The following THRAP3 variants were observed in gnomAD, a reference collection of about 807,000 sequenced individuals.
THRAP3 encodes the protein thyroid hormone receptor-associated protein 3.
Under a neutral mutation model 101.0 loss-of-function variants are expected in THRAP3, and 16 were observed. That is an observed-to-expected ratio of 0.16 (90% confidence interval 0.11 to 0.24). The LOEUF is 0.24. Among genes scored for constraint, THRAP3 ranks in the 10% least tolerant of loss-of-function variants. The probability of loss-of-function intolerance (pLI) is 1.00; values close to 1 mark genes in which losing one functional copy is unlikely to be tolerated. For missense variants in THRAP3, 989 were observed against 1,202.7 expected, an observed-to-expected ratio of 0.82 and a Z score of 2.63; for synonymous variants, 407 against 422.6, an observed-to-expected ratio of 0.96 and a Z score of 0.45.
upstream of THRAP3, among the ~76,000 whole-genome samples, chr1:36,222,627 C>T (rs528034924): frequency 2.0e-4 from 30 of 151,910 alleles, no homozygotes; most frequent in African/African-American, 6.5e-4. Context: ...GGGCTGATCA[C>T]GAACTCCTGA....
chr1:36,252,959 T>C (rs1645325564), intron 1 of THRAP3, among the ~76,000 whole-genome samples: 1 of 130,348 alleles, frequency 7.7e-6, no homozygotes, highest in Admixed American at 7.7e-5. Context: ...TATATATATA[T>C]ATATATATAT....
chr1:36,253,380 C>G (rs182573754), intron 1 of THRAP3, among the ~76,000 whole-genome samples: 230 of 152,216 alleles, frequency 1.5e-3, no homozygotes, highest in African/African-American at 5.5e-3. Context: ...TTTACACATG[C>G]ATTAAGGTTG....
chr1:36,260,784 T>C (rs951729499), intron 2 of THRAP3, among the ~76,000 whole-genome samples: 3 of 144,290 alleles, frequency 2.1e-5, no homozygotes, highest in African/African-American at 7.8e-5. Context: ...ATCGCACCAC[T>C]GCACTCTAGC....
In THRAP3 at chr1:36,305,252, G is replaced by A. The variant is rs1247684998; in HGVS notation, c.*1235G>A. On this transcript the variant is annotated 3_prime_UTR_variant, in exon 12 of 12. Coordinates refer to ENST00000354618, the MANE Select transcript of THRAP3 (RefSeq NM_005119.4). ...TACTTTGCTACATTTCTATAGTTAA[G>A]TTGGTTTTACTTGAATGATTCATGT... is the stretch of plus-strand genomic sequence containing the variant. 1 of 210,230 alleles carries A rather than the reference G, an allele frequency of 4.8e-6. No individual in the cohort carries two copies. Among genetic ancestry groups the A allele is most frequent in the Admixed American group, 5.9e-5 (1 of 16,988 alleles). The allele number at this position is 210,230 out of a possible 1,614,324, so 13.0% of individuals were successfully genotyped here. A position where few individuals can be genotyped will look rare whatever the true frequency, so the allele number is the denominator to read the frequency against.
chr1:36,282,240 T>A (rs999718421), intron 2 of THRAP3, among the ~76,000 whole-genome samples: 1 of 125,500 alleles, frequency 8.0e-6, no homozygotes, highest in Non-Finnish European at 1.9e-5. Flanking sequence ...TCTCTCTTTT[T>A]TTTTTTTTTG....
chr1:36,252,779 A>G (rs943021351), intron 1 of THRAP3, among the ~76,000 whole-genome samples: 1 of 151,500 alleles, frequency 6.6e-6, no homozygotes, highest in African/African-American at 2.4e-5. Flanking sequence ...TTGTGGCGCA[A>G]GCTTGTAATC....
the THRAP3 span, among the ~76,000 whole-genome samples, chr1:36,212,461 G>C: frequency 7.2e-6 from 1 of 139,822 alleles, no homozygotes; most frequent in Non-Finnish European, 1.5e-5. Context: ...TGCTCTTTCG[G>C]CCAGGCTGAA....
In THRAP3 at chr1:36,292,605, C is replaced by G. The variant is rs1645890661; in HGVS notation, c.1926C>G (p.His642Gln). The G allele has an allele frequency of 1.2e-6, 2 of 1,612,878 alleles. No individual in the cohort carries two copies. Among genetic ancestry groups the G allele is most frequent in the Non-Finnish European group, 1.7e-6 (2 of 1,179,310 alleles). Residue 642 changes from histidine (H) to glutamine (Q), a missense_variant, in exon 7 of 12, where the codon CAC becomes CAG. By Grantham distance (24) the His-to-Gln change is conservative. Coordinates refer to ENST00000354618, the MANE Select transcript of THRAP3 (RefSeq NM_005119.4). ...TTCTTTTAATCCCAACAGAGCATCACTTTGGGTCCTCAGGAATGACATTAC... is the reference window on the plus strand; with the variant it reads ...TTCTTTTAATCCCAACAGAGCATCAGTTTGGGTCCTCAGGAATGACATTAC... Reference protein sequence around the residue: ...VTIVHHVKEHHFGSSGMTLHE... With the variant: ...VTIVHHVKEHQFGSSGMTLHE...
chr1:36,289,351 T>G lies in THRAP3; in HGVS notation c.1332T>G (p.Ser444=). 6.2e-7 allele frequency: 1 copy of G among 1,614,148 alleles called. No individual in the cohort carries two copies. Residue 444 remains serine (S), a synonymous_variant, in exon 5 of 12, where the codon TCT becomes TCG. Coordinates refer to ENST00000354618, the MANE Select transcript of THRAP3 (RefSeq NM_005119.4). ...DKDKAKGRKE[S]EFDDEPKFMS... ...ACAAAGCTAAGGGAAGAAAGGAATC[T>G]GAGTTTGATGATGAACCCAAATTTA...
At chr1:36,257,787 A>G (rs926278992) in intron 1 of THRAP3, among the ~76,000 whole-genome samples, 1 of 152,204 alleles carries the variant, frequency 6.6e-6, no homozygotes, top group Non-Finnish European at 1.5e-5. Flanking sequence ...ATGTGTGTGT[A>G]CTTTTGCCAT....
intron 6 of THRAP3, among the ~76,000 whole-genome samples, chr1:36,292,145 TCTC>T (rs1055243162): frequency 2.0e-5 from 3 of 151,926 alleles, no homozygotes; most frequent in Non-Finnish European, 2.9e-5. Flanking sequence ...TCCTTCCTCT[TCTC>T]AGTATGTTTG....
chr1:36,225,496 G>A (rs1199578143), intron 1 of THRAP3: 2 of 152,174 alleles, frequency 1.3e-5, no homozygotes, highest in Admixed American at 1.3e-4. Flanking sequence ...CAGGGTTATT[G>A]TGGAGACTAA....
chr1:36,240,275 A>C (rs1645139794), intron 1 of THRAP3, among the ~76,000 whole-genome samples: 1 of 152,166 alleles, frequency 6.6e-6, no homozygotes, highest in African/African-American at 2.4e-5. Flanking sequence ...AAAACCAGGG[A>C]AGCCAACAGT....
At chr1:36,282,396 ATT>A (rs34708418) in intron 2 of THRAP3, 135 bp from the exon 3 acceptor site, 10,700 of 495,046 alleles carry the variant, frequency 0.022, no homozygotes, top group South Asian at 0.027. Context: ...TTAAAAAAAA[ATT>A]TTTTTTTTTT....
intron 2 of THRAP3, among the ~76,000 whole-genome samples, chr1:36,272,260 G>A (rs1645601693): frequency 6.6e-6 from 1 of 152,194 alleles, no homozygotes; most frequent in Non-Finnish European, 1.5e-5. Flanking sequence ...TTTTAGGAGA[G>A]TACCCAATGC....
chr1:36,225,134 C>T (rs922278228), intron 1 of THRAP3: 2 of 152,312 alleles, frequency 1.3e-5, no homozygotes, highest in African/African-American at 4.8e-5. Context: ...AGCACCTAAG[C>T]AACTTTTATC....
chr1:36,292,548 G>A (rs1343064902), intron 6 of THRAP3, 50 bp from the exon 7 acceptor site: 6 of 1,475,318 alleles, frequency 4.1e-6, no homozygotes, highest in Non-Finnish European at 5.6e-6. Flanking sequence ...GGGATTATAG[G>A]CTTGAGCCAC....
chr1:36,242,901 CAGTT>C (rs1645179195), intron 1 of THRAP3, among the ~76,000 whole-genome samples: 1 of 152,130 alleles, frequency 6.6e-6, no homozygotes, highest in African/African-American at 2.4e-5. Context: ...AAGCTTTTCA[CAGTT>C]AGTGTTTTTT....
At chr1:36,298,715 T>A (rs183659137) in intron 9 of THRAP3, among the ~76,000 whole-genome samples, 71 of 152,284 alleles carry the variant, frequency 4.7e-4, no homozygotes, top group African/African-American at 1.6e-3. Flanking sequence ...TTTCCCATGC[T>A]GGTCTTGAAC....
Sources: allele counts gnomAD v4.1 joint callset (sites outside exome capture counted in the v4.1 genomes callset), GRCh38; gene constraint gnomAD v4.1.1; transcripts MANE v1.5; gene names NCBI Gene and HGNC (gene_info 2026-07-23, HGNC 2026-07-21).